Variants in KDM1A observed in about 807,000 individuals in gnomAD.
KDM1A encodes the protein lysine demethylase 1A.
Under a neutral mutation model 109.4 loss-of-function variants are expected in KDM1A, and 49 were observed. That is an observed-to-expected ratio of 0.45 (90% CI 0.36 to 0.57). The LOEUF (loss-of-function observed/expected upper bound fraction) is 0.57, where lower values mean the gene tolerates loss of function less well. KDM1A is among the 20% of genes least tolerant of loss of function. KDM1A has a pLI of 0.00. For synonymous variants in KDM1A, 380 were observed against 415.4 expected, an observed-to-expected ratio of 0.91 and a Z score of 1.04; for missense variants, 668 against 1,116.6, an observed-to-expected ratio of 0.60 and a Z score of 5.73.
chr1:23,033,040 A>G (rs935091835), intron 2 of KDM1A, among the ~76,000 whole-genome samples: 34 of 152,058 alleles, frequency 2.2e-4, no homozygotes, highest in South Asian at 2.1e-4. Flanking sequence ...CTGATTACAG[A>G]TGTGCGTCAC....
chr1:23,023,470 G>T (rs1176359944), intron 1 of KDM1A, among the ~76,000 whole-genome samples: 3 of 152,136 alleles, frequency 2.0e-5, no homozygotes, highest in Non-Finnish European at 4.4e-5. Flanking sequence ...CTTTCTCTCA[G>T]CGAATAGTTG....
intron 3 of KDM1A, among the ~76,000 whole-genome samples, chr1:23,049,195 C>T (rs1196806880): frequency 2.7e-5 from 4 of 147,188 alleles, no homozygotes; most frequent in African/African-American, 5.0e-5. Flanking sequence ...GGATATCTGG[C>T]GCCTATTTTG....
At chr1:23,053,715 CAT>C (rs755589221) in intron 4 of KDM1A, 44 bp from the exon 5 acceptor site, 15 of 1,260,464 alleles carry the variant, frequency 1.2e-5, no homozygotes, top group South Asian at 6.1e-5. Context: ...AGTCAAATAA[CAT>C]ATGTCTATTT....
chr1:23,038,152 C>G (rs1258927227), intron 2 of KDM1A, among the ~76,000 whole-genome samples: 2 of 152,132 alleles, frequency 1.3e-5, no homozygotes, highest in Non-Finnish European at 2.9e-5. Flanking sequence ...TTAGACCAGA[C>G]AGACACACAT....
At chr1:23,077,805 C>T (rs183953385) in intron 16 of KDM1A, among the ~76,000 whole-genome samples, 7 of 152,276 alleles carry the variant, frequency 4.6e-5, no homozygotes, top group South Asian at 4.1e-4. Context: ...TTTCACCATC[C>T]GCATTTTGGT....
At chr1:23,053,892 C>A in intron 5 of KDM1A, 53 bp downstream of exon 5, 3 of 964,210 alleles carry the variant, frequency 3.1e-6, no homozygotes, top group Non-Finnish European at 5.1e-6. Context: ...AAAATTGATA[C>A]GTTCTTCTAG....
At chr1:23,054,646 A>AT (rs763375101) in intron 5 of KDM1A, among the ~76,000 whole-genome samples, 11 of 151,814 alleles carry the variant, frequency 7.2e-5, no homozygotes, top group Non-Finnish European at 1.0e-4. Flanking sequence ...TGATTTATTT[A>AT]TTTTTTGAGA....
At chr1:23,044,276 C>G (rs1317792665) in intron 2 of KDM1A, 151 bp from the exon 3 acceptor site, 1 of 662,502 alleles carries the variant, frequency 1.5e-6, no homozygotes, top group Admixed American at 2.5e-5. Context: ...ATGTAATTCC[C>G]TGGGCCTTGA....
chr1:23,073,382 C>G lies in KDM1A; in HGVS notation c.1713C>G (p.Leu571=). 1 of 1,604,180 alleles carries G rather than the reference C, an allele frequency of 6.2e-7. No individual in the cohort carries two copies. The highest frequency in any genetic ancestry group is 2.2e-5 in the East Asian group (1 of 44,810). ...CTAATGCCACACCTCTCTCAACTCTCTCCCTTAAGCACTGGGATCAGGTAA... is the reference window on the plus strand; with the variant it reads ...CTAATGCCACACCTCTCTCAACTCTGTCCCTTAAGCACTGGGATCAGGTAA... ...EFANATPLST[L]SLKHWDQDDD... Residue 571 remains leucine (L), a synonymous_variant, in exon 15 of 21, where the codon CTC becomes CTG. Coordinates refer to ENST00000400181, the MANE Select transcript of KDM1A (RefSeq NM_001009999.3).
intron 1 of KDM1A, among the ~76,000 whole-genome samples, chr1:23,028,072 C>T (rs1641865251): frequency 6.6e-6 from 1 of 152,086 alleles, no homozygotes; most frequent in Admixed American, 6.5e-5. Flanking sequence ...AAGTGTATTC[C>T]TTGTTAATTA....
chr1:23,070,821 A>G (rs1643297010), intron 12 of KDM1A, among the ~76,000 whole-genome samples: 1 of 151,818 alleles, frequency 6.6e-6, no homozygotes, highest in Non-Finnish European at 1.5e-5. Context: ...AAAAAAAAAC[A>G]AACACACACA....
chr1:23,024,659 G>A (rs1641740717), intron 1 of KDM1A, among the ~76,000 whole-genome samples: 1 of 152,178 alleles, frequency 6.6e-6, no homozygotes, highest in South Asian at 2.1e-4. Context: ...AATTGGGTTG[G>A]AACTTCACGA....
At chr1:23,073,190 G>GC (rs2124522657) in intron 14 of KDM1A, 102 bp from the exon 15 acceptor site, 2 of 667,062 alleles carry the variant, frequency 3.0e-6, no homozygotes, top group Admixed American at 2.2e-5. Flanking sequence ...ATAAGGCACA[G>GC]CCCTGGCTTA....
rs776047552 is a variant in KDM1A at position 23,079,589 on chromosome 1, A to G, written c.2092A>G (p.Ser698Gly). 24 of 1,613,804 alleles carry G rather than the reference A, an allele frequency of 1.5e-5. No individual in the cohort carries two copies. The highest frequency in any genetic ancestry group is 2.0e-5 in the Non-Finnish European group (24 of 1,179,932). Residue 698 changes from serine to glycine, a missense_variant, in exon 18 of 21, where the codon AGT becomes GGT. Ser to Gly is a moderately conservative substitution (Grantham distance 56). This residue lies in a region of KDM1A where 162 missense variants were observed against 376.4 expected (regional missense o/e 0.43). Coordinates refer to ENST00000400181, the MANE Select transcript of KDM1A (RefSeq NM_001009999.3). The surrounding 1 kb of genome is among the most constrained non-coding windows in gnomAD (Gnocchi z 5.6). ...TTTTGATCGGGTGTTCTGGGATCCAAGTGTCAATTTGTTCGGGCATGTTGG... is the reference window on the plus strand; with the variant it reads ...TTTTGATCGGGTGTTCTGGGATCCAGGTGTCAATTTGTTCGGGCATGTTGG... ...LCFDRVFWDP[S>G]VNLFGHVGST... is the part of the protein sequence containing the mutation.
At chr1:23,078,431 T>C (rs1244936187) in intron 16 of KDM1A, among the ~76,000 whole-genome samples, 3 of 152,170 alleles carry the variant, frequency 2.0e-5, no homozygotes, top group African/African-American at 4.8e-5. Context: ...AGGAAAACGA[T>C]GTTAACATAA....
chr1:23,066,722 C>G (rs984627725), intron 10 of KDM1A, among the ~76,000 whole-genome samples: 3 of 152,156 alleles, frequency 2.0e-5, no homozygotes, highest in African/African-American at 7.2e-5. Flanking sequence ...CATCTGTGAT[C>G]AGTTAAGGTC....
intron 11 of KDM1A, 36 bp downstream of exon 11, chr1:23,068,717 TC>T: frequency 6.9e-7 from 1 of 1,440,508 alleles, no homozygotes; most frequent in South Asian, 1.7e-5. Context: ...TATAGTGAGT[TC>T]CATGTGTAAA....
Position 23,019,943 on chromosome 1 carries a change from C to T in KDM1A, c.347C>T (p.Ala116Val). 6.4e-7 allele frequency: 1 copy of T among 1,562,544 alleles called. No homozygotes were observed. The highest frequency in any genetic ancestry group is 1.2e-5 in the South Asian group (1 of 85,972). The stretch of plus-strand genomic sequence containing the variant: ...CGTCGGACCAGCCGGCGCAAGCGGG[C>T]GAAGGTAAGGCTCGACCCTTCCCTC... ...EGRRTSRRKR[A>V]KVEYREMDES... The change falls in exon 1 of 21, where the codon GCG becomes GTG. Residue 116 changes from alanine (A) to valine (V), a missense_variant. Coordinates refer to ENST00000400181, the MANE Select transcript of KDM1A (RefSeq NM_001009999.3).
chr1:23,074,290 G>A (rs371837460), intron 15 of KDM1A, among the ~76,000 whole-genome samples: 9 of 152,292 alleles, frequency 5.9e-5, no homozygotes, highest in Admixed American at 4.6e-4. Context: ...AAGTCTGATT[G>A]TCTGCTTGTT....
Sources: gnomAD v4.1 joint callset for allele counts (sites outside exome capture counted in the v4.1 genomes callset) on GRCh38, gnomAD v4.1.1 for gene constraint, gnomAD v4.1.1 regional missense constraint, Gnocchi (gnomAD v3.1) non-coding constraint, MANE v1.5 for transcripts, NCBI Gene and HGNC (gene_info 2026-07-23, HGNC 2026-07-21) for gene names.